SLC5A10: variants seen among roughly 807,000 people sequenced by gnomAD.
The protein encoded by SLC5A10 is sodium/mannose cotransporter SLC5A10.
A neutral mutation model predicts 68.9 loss-of-function variants in SLC5A10; 55 were observed. The ratio of observed to expected loss-of-function variants is 0.80; its 90% CI spans 0.64 to 1.00. The LOEUF (loss-of-function observed/expected upper bound fraction) is 1.00, where lower values mean the gene tolerates loss of function less well. Among genes scored for constraint, SLC5A10 ranks in the 50% least tolerant of loss-of-function variants. The probability of loss-of-function intolerance (pLI) is 0.00; values close to 1 mark genes in which losing one functional copy is unlikely to be tolerated. For missense variants in SLC5A10, 732 were observed against 819.3 expected (o/e 0.89, Z 1.30); for synonymous variants, 344 against 344.8 (o/e 1.00, Z 0.02).
Position 18,956,360 on chromosome 17 carries a change from T to C in SLC5A10, c.112-2322T>C, listed in dbSNP as rs185805439. On this transcript the variant is annotated intron_variant, in intron 1 of 14. Coordinates refer to ENST00000395645, the MANE Select transcript of SLC5A10 (RefSeq NM_001042450.4). The stretch of plus-strand genomic sequence containing the variant: ...CCTGCATATTGATGGATATATTTTG[T>C]GATCCAGCCTTATGTATGTTCTGAA... Among the ~76,000 whole-genome samples the C allele has an allele frequency of 1.5e-3, 222 of 151,990 alleles. 1 individual carries two copies. Among genetic ancestry groups the C allele is most frequent in the Middle Eastern group, 3.4e-3 (1 of 292 alleles).
At chr17:18,977,590 C>T in intron 9 of SLC5A10, 1 of 1,608,176 alleles carries the variant, frequency 6.2e-7, no homozygotes. Context: ...CCACCTGTGC[C>T]TCCTTGTCTG....
intron 9 of SLC5A10, among the ~76,000 whole-genome samples, chr17:18,992,238 C>T (rs574428572): frequency 5.9e-4 from 90 of 152,290 alleles, no homozygotes; most frequent in African/African-American, 2.0e-3. Flanking sequence ...GCCTGTGTCT[C>T]GAATCCCCCA....
chr17:18,992,616 G>T (rs2043457042), intron 9 of SLC5A10, among the ~76,000 whole-genome samples: 1 of 152,212 alleles, frequency 6.6e-6, no homozygotes, highest in Non-Finnish European at 1.5e-5. Flanking sequence ...CCCTGAGCAA[G>T]GGTGGAGCGG....
At chr17:18,969,531 C>T (rs2042786641) in intron 7 of SLC5A10, 109 bp downstream of exon 7, 3 of 1,077,576 alleles carry the variant, frequency 2.8e-6, no homozygotes, top group Non-Finnish European at 4.1e-6. Flanking sequence ...TTCTGGGTAG[C>T]ATCGCTGGGA....
rs754577623 is a variant in SLC5A10 at position 18,958,697 on chromosome 17, A to G, written c.127A>G (p.Ser43Gly). The change falls in exon 2 of 15, where the codon AGT becomes GGT. Residue 43 changes from serine to glycine, a missense_variant. By Grantham distance (56) the Ser-to-Gly change is moderately conservative (BLOSUM62 0). Transcript: ENST00000395645. ...AVGIWSSCRA[S>G]RNTVNGYFLA... ...CCTCTTGCAGTCCTCTTGTCGGGCC[A>G]GTAGGAACACGGTGAATGGCTACTT... The G allele has an allele frequency of 1.1e-4, 176 of 1,614,038 alleles. No individual in the cohort carries two copies. Among genetic ancestry groups the G allele is most frequent in the Non-Finnish European group, 1.4e-4 (168 of 1,180,036 alleles).
At chr17:19,019,692 C>CCTGG in intron 12 of SLC5A10, 21 bp from the exon 13 acceptor site, 2 of 1,605,406 alleles carry the variant, frequency 1.2e-6, no homozygotes, top group Non-Finnish European at 1.7e-6. Context: ...GCCCCACATG[C>CCTGG]CCTGCCTCCC....
At chr17:18,958,622 T>C (rs1445812149) in intron 1 of SLC5A10, 60 bp from the exon 2 acceptor site, 1 of 1,525,186 alleles carries the variant, frequency 6.6e-7, no homozygotes, top group Non-Finnish European at 9.1e-7. Flanking sequence ...CCGTTTCCCA[T>C]TCGACTTCCC....
chr17:19,014,596 C>T (rs961697744), intron 10 of SLC5A10, among the ~76,000 whole-genome samples: 8 of 152,238 alleles, frequency 5.3e-5, no homozygotes, highest in African/African-American at 1.9e-4. Flanking sequence ...CACCGCACCC[C>T]AAAGTCCTGC....
At chr17:19,011,029 A>G (rs898713702) in intron 9 of SLC5A10, among the ~76,000 whole-genome samples, 1 of 152,088 alleles carries the variant, frequency 6.6e-6, no homozygotes, top group Admixed American at 6.5e-5. Context: ...TCATTCATTC[A>G]ATCAGTGTTC....
At chr17:18,999,829 C>G (rs999403594) in intron 9 of SLC5A10, among the ~76,000 whole-genome samples, 5 of 152,258 alleles carry the variant, frequency 3.3e-5, no homozygotes, top group African/African-American at 1.2e-4. Flanking sequence ...ACCGGCGCCT[C>G]ACCTGCCCTC....
upstream of SLC5A10, chr17:18,952,031 A>C (rs1780561848): frequency 9.6e-7 from 1 of 1,039,278 alleles, no homozygotes; most frequent in Non-Finnish European, 1.3e-6. Context: ...CCATGGGGTG[A>C]GGAAGCTGAA....
intron 7 of SLC5A10, 29 bp downstream of exon 7, chr17:18,969,451 G>T: frequency 6.2e-7 from 1 of 1,602,682 alleles, no homozygotes; most frequent in Non-Finnish European, 8.5e-7. Flanking sequence ...GCCATGGCGG[G>T]GCTGTCCCCA....
rs778829785 is a variant in SLC5A10, at chr17:18,952,243, G to A, written c.38G>A (p.Gly13Glu). 18 of 1,613,796 alleles carry A rather than the reference G, an allele frequency of 1.1e-5. No homozygotes were observed. The South Asian group carries it at 1.9e-4, about 17-fold the overall frequency. ...ANSTSDLHTP[G>E]TQLSVADIIV... is the part of the protein sequence containing the mutation. Reference sequence around the variant, plus strand: ...TCCACCAGCGACCTCCACACTCCCGGGACGCAGCTGAGCGTGGCTGACATC... The same window carrying A: ...TCCACCAGCGACCTCCACACTCCCGAGACGCAGCTGAGCGTGGCTGACATC... Residue 13 changes from glycine to glutamate, a missense_variant, in exon 1 of 15, where the codon GGG (glycine) becomes GAG (glutamate). By Grantham distance (98) the Gly-to-Glu change is moderately conservative. Transcript: ENST00000395645.
intron 9 of SLC5A10, among the ~76,000 whole-genome samples, chr17:19,009,799 A>G (rs73308408): frequency 0.15 from 22,746 of 152,144 alleles, 1,818 homozygotes; most frequent in East Asian, 0.27. Flanking sequence ...GGTGGGAGAC[A>G]GGACAGTCAG....
intron 9 of SLC5A10, among the ~76,000 whole-genome samples, chr17:18,990,581 G>A (rs1428524796): frequency 6.6e-6 from 1 of 152,050 alleles, no homozygotes; most frequent in Admixed American, 6.5e-5. Flanking sequence ...AGCAGGACCC[G>A]CACCATGTGC....
rs756656844 is a variant in SLC5A10, at chr17:18,971,547, T to G, written c.846+329T>G. The G allele has an allele frequency of 3.8e-5, 61 of 1,613,762 alleles. No individual in the cohort carries two copies. In the South Asian group the frequency reaches 5.7e-4, roughly 15 times the overall value. Reference sequence around the variant, plus strand: ...ATGGGGCGGGCATTTTGGGCCAGTCTTGGGCTGCCGGGATCCGGAAGCAGG... The same window carrying G: ...ATGGGGCGGGCATTTTGGGCCAGTCGTGGGCTGCCGGGATCCGGAAGCAGG... On this transcript the variant is annotated intron_variant, in intron 8 of 14. Transcript: ENST00000395645. The surrounding 1 kb of genome is among the most constrained non-coding windows in gnomAD (Gnocchi z 5.5).
intron 9 of SLC5A10, chr17:18,988,427 A>C (rs1413191360): frequency 1.2e-6 from 2 of 1,613,378 alleles, no homozygotes; most frequent in African/African-American, 2.7e-5. Context: ...GGGAGCAAGA[A>C]GAGAGACTAG....
In SLC5A10 at chr17:18,983,005, C is replaced by T. The variant is rs560102447; in HGVS notation, c.982+6016C>T. Reference sequence around the variant, plus strand: ...AGGTGTCCAGCTCCCAGTGGGTGCCCCATGAACTGGAAGTGGCGCAGTGGG... The same window carrying T: ...AGGTGTCCAGCTCCCAGTGGGTGCCTCATGAACTGGAAGTGGCGCAGTGGG... On this transcript the variant is annotated intron_variant, in intron 9 of 14. Transcript: ENST00000395645. Among the ~76,000 whole-genome samples the T allele has an allele frequency of 4.5e-4, 68 of 152,322 alleles. No individual in the cohort carries two copies. The South Asian group carries it at 0.014, about 31-fold the overall frequency.
intron 5 of SLC5A10, among the ~76,000 whole-genome samples, chr17:18,964,858 C>T (rs1182847919): frequency 2.0e-5 from 3 of 152,136 alleles, no homozygotes; most frequent in Non-Finnish European, 4.4e-5. Flanking sequence ...AAATGCAGAA[C>T]CTGACCGGGT....
Sources: allele counts gnomAD v4.1 joint callset (sites outside exome capture counted in the v4.1 genomes callset), GRCh38; gene constraint gnomAD v4.1.1; non-coding constraint Gnocchi (gnomAD v3.1); transcripts MANE v1.5; gene names NCBI Gene and HGNC (gene_info 2026-07-23, HGNC 2026-07-21).